Variants in KCNK10 observed in about 807,000 individuals in gnomAD.
KCNK10 encodes potassium two pore domain channel subfamily K member 10, also known as potassium channel subfamily K member 10.
A neutral mutation model predicts 47.7 loss-of-function variants in KCNK10; 25 were observed. The ratio of observed to expected loss-of-function variants is 0.52; its 90% CI spans 0.38 to 0.73. The LOEUF is 0.73. KCNK10 is among the 30% of genes least tolerant of loss of function. The pLI is 0.00. For synonymous variants in KCNK10, 303 were observed against 285.6 expected, an observed-to-expected ratio of 1.06 and a Z score of -0.61; for missense variants, 563 against 714.5, an observed-to-expected ratio of 0.79 and a Z score of 2.42.
chr14:88,236,855 T>G (rs1216087508), intron 3 of KCNK10, among the ~76,000 whole-genome samples: 6 of 152,206 alleles, frequency 3.9e-5, no homozygotes, highest in Admixed American at 1.3e-4. Flanking sequence ...TCATAATGCT[T>G]TCGCTGGCGG....
intron 4 of KCNK10, among the ~76,000 whole-genome samples, chr14:88,202,259 C>T (rs1228380406): frequency 1.3e-5 from 2 of 152,236 alleles, no homozygotes; most frequent in Non-Finnish European, 2.9e-5. Context: ...AGCCACTCCA[C>T]TATCATGCTG....
intron 1 of KCNK10, among the ~76,000 whole-genome samples, chr14:88,289,252 C>T (rs1887828587): frequency 6.6e-6 from 1 of 152,186 alleles, no homozygotes; most frequent in Admixed American, 6.5e-5. Context: ...CCTTCTTTGC[C>T]TTTTAAAGTC....
At chr14:88,314,555 T>C (rs1024010572) in intron 1 of KCNK10, among the ~76,000 whole-genome samples, 1 of 152,242 alleles carries the variant, frequency 6.6e-6, no homozygotes, top group African/African-American at 2.4e-5. Context: ...CTTTCACTGG[T>C]CTTTTCTCTG....
intron 4 of KCNK10, among the ~76,000 whole-genome samples, chr14:88,223,099 T>C (rs1403400869): frequency 6.6e-6 from 1 of 152,112 alleles, no homozygotes; most frequent in Non-Finnish European, 1.5e-5. Context: ...AAATGCCTGA[T>C]TACAAGAGCT....
intron 1 of KCNK10, among the ~76,000 whole-genome samples, chr14:88,315,809 G>A (rs892885601): frequency 6.6e-6 from 1 of 152,086 alleles, no homozygotes; most frequent in Non-Finnish European, 1.5e-5. Context: ...AGTTGAGTAA[G>A]GGAGAAAGGA....
intron 3 of KCNK10, among the ~76,000 whole-genome samples, chr14:88,233,163 A>T (rs1595095176): frequency 6.6e-6 from 1 of 152,218 alleles, no homozygotes; most frequent in East Asian, 1.9e-4. Flanking sequence ...TGACCCCAGT[A>T]AATAGAAGGG....
intron 2 of KCNK10, among the ~76,000 whole-genome samples, chr14:88,253,395 A>G (rs1246812572): frequency 3.4e-4 from 51 of 152,222 alleles, no homozygotes; most frequent in Admixed American, 3.3e-3. Context: ...CAAAGAAATG[A>G]TAAATGTTTG....
chr14:88,267,682 A>C (rs1887299537), intron 1 of KCNK10, among the ~76,000 whole-genome samples: 1 of 152,142 alleles, frequency 6.6e-6, no homozygotes, highest in South Asian at 2.1e-4. Context: ...AAGTTGGATA[A>C]ATTTTTAAAT....
chr14:88,193,412 T>G (rs1044460805), intron 4 of KCNK10, among the ~76,000 whole-genome samples: 4 of 152,116 alleles, frequency 2.6e-5, no homozygotes, highest in African/African-American at 9.7e-5. Context: ...ACACTGGAAT[T>G]GACTCTAAGC....
chr14:88,282,326 C>A (rs971734891), intron 1 of KCNK10, among the ~76,000 whole-genome samples: 1 of 152,168 alleles, frequency 6.6e-6, no homozygotes, highest in South Asian at 2.1e-4. Context: ...ATCAAGACAT[C>A]CTGCCACCTT....
intron 1 of KCNK10, among the ~76,000 whole-genome samples, chr14:88,287,389 G>A (rs1887785097): frequency 6.6e-6 from 1 of 152,044 alleles, no homozygotes; most frequent in Non-Finnish European, 1.5e-5. Context: ...GCTCTTTAGT[G>A]GTGACTTGTG....
chr14:88,307,275 G>A (rs1465655738), intron 1 of KCNK10, among the ~76,000 whole-genome samples: 1 of 75,860 alleles, frequency 1.3e-5, no homozygotes, highest in Non-Finnish European at 4.3e-5. Context: ...AAATAGGTAT[G>A]GATGCCACAT....
At chr14:88,265,874 A>T (rs1595114122) in intron 1 of KCNK10, among the ~76,000 whole-genome samples, 1 of 151,976 alleles carries the variant, frequency 6.6e-6, no homozygotes, top group Non-Finnish European at 1.5e-5. Flanking sequence ...CTCCTCATTT[A>T]CCCTCCACCA....
At chr14:88,298,457 A>G (rs1888031562) in intron 1 of KCNK10, among the ~76,000 whole-genome samples, 1 of 152,098 alleles carries the variant, frequency 6.6e-6, no homozygotes, top group African/African-American at 2.4e-5. Flanking sequence ...TTCCCCTACC[A>G]TACAATCACC....
rs192431478 is a variant in KCNK10, at chr14:88,279,315, G to T, written c.53-15764C>A. Reference sequence around the variant, plus strand: ...GCTAAACCTAGAAATAGACTGCATCGCATGGTAGCTTCTACATGGTAGTTT... The same window carrying T: ...GCTAAACCTAGAAATAGACTGCATCTCATGGTAGCTTCTACATGGTAGTTT... On this transcript the variant is annotated intron_variant, in intron 1 of 6. Coordinates refer to ENST00000319231, the MANE Select transcript of KCNK10 (RefSeq NM_138317.3). 2.9e-3 allele frequency among the ~76,000 whole-genome samples: 438 copies of T among 151,386 alleles called. 2 individuals carry two copies. Among genetic ancestry groups the T allele is most frequent in the Non-Finnish European group, 4.3e-3 (290 of 67,890 alleles).
At chr14:88,325,431 T>C (rs540058524), upstream of KCNK10, among the ~76,000 whole-genome samples, 14 of 152,310 alleles carry the variant, frequency 9.2e-5, no homozygotes, top group African/African-American at 3.4e-4. Context: ...TTCATCTTTG[T>C]TAGATCATTT....
chr14:88,182,335 T>G lies in KCNK10; in HGVS notation c.*3200A>C, dbSNP rs2139815046. The G allele has an allele frequency of 6.6e-6, 1 of 152,300 alleles. No homozygotes were observed. The highest frequency in any genetic ancestry group is 1.5e-5 in the Non-Finnish European group (1 of 68,010). The allele number at this position is 152,300 out of a possible 1,614,324, so 9.4% of individuals were successfully genotyped here. On this transcript the variant is annotated 3_prime_UTR_variant, in exon 7 of 7. Coordinates refer to ENST00000319231, the MANE Select transcript of KCNK10 (RefSeq NM_138317.3). The stretch of plus-strand genomic sequence containing the variant: ...TCCTAGGTTTATGCTGGAATGGGAG[T>G]GCAGATTGGAAAGGGGGGGCTGTGC...
At chr14:88,278,406 A>T (rs1172693551) in intron 1 of KCNK10, among the ~76,000 whole-genome samples, 1 of 152,234 alleles carries the variant, frequency 6.6e-6, no homozygotes, top group Non-Finnish European at 1.5e-5. Context: ...ACATATTTCC[A>T]TTCAAGGAAC....
At chr14:88,312,537 G>C (rs772196668) in intron 1 of KCNK10, among the ~76,000 whole-genome samples, 3 of 152,178 alleles carry the variant, frequency 2.0e-5, no homozygotes, top group Non-Finnish European at 2.9e-5. Context: ...CATTTCTACT[G>C]CTCGGCCTGG....
Sources: gnomAD v4.1 joint callset for allele counts (sites outside exome capture counted in the v4.1 genomes callset) on GRCh38, gnomAD v4.1.1 for gene constraint, MANE v1.5 for transcripts, NCBI Gene and HGNC (gene_info 2026-07-23, HGNC 2026-07-21) for gene names.